The following MBNL2 variants were observed in gnomAD, a reference collection of about 807,000 sequenced individuals.
MBNL2 encodes muscleblind like splicing regulator 2.
A neutral mutation model predicts 41.9 loss-of-function variants in MBNL2; 17 were observed. The observed-to-expected ratio is 0.41, with a 90% confidence interval of 0.28 to 0.61. The LOEUF is 0.61. Among genes scored for constraint, MBNL2 ranks in the 20% least tolerant of loss-of-function variants. The probability of loss-of-function intolerance (pLI) is 0.35; values close to 1 mark genes in which losing one functional copy is unlikely to be tolerated. For missense variants in MBNL2, 336 were observed against 505.6 expected, an observed-to-expected ratio of 0.66 and a Z score of 3.22; for synonymous variants, 195 against 182.9, an observed-to-expected ratio of 1.07 and a Z score of -0.53.
intron 1 of MBNL2, among the ~76,000 whole-genome samples, chr13:97,272,137 A>G (rs1423848231): frequency 6.6e-6 from 1 of 152,120 alleles, no homozygotes; most frequent in Non-Finnish European, 1.5e-5. Flanking sequence ...ATGAGATGGT[A>G]TCTCATTGTG....
the MBNL2 span, among the ~76,000 whole-genome samples, chr13:97,177,547 G>T: frequency 6.6e-6 from 1 of 151,996 alleles, no homozygotes; most frequent in Non-Finnish European, 1.5e-5. Context: ...AAATGGAAAA[G>T]AATAATATAA....
chr13:97,329,725 C>T (rs1483105544), intron 2 of MBNL2, among the ~76,000 whole-genome samples: 2 of 536 alleles, frequency 3.7e-3, no homozygotes, highest in African/African-American at 0.014. Context: ...ACAACATACA[C>T]AACATACAAC....
At chr13:97,148,411 C>T in the MBNL2 span, among the ~76,000 whole-genome samples, 1 of 151,986 alleles carries the variant, frequency 6.6e-6, no homozygotes, top group Non-Finnish European at 1.5e-5. Flanking sequence ...TGTCCAAACC[C>T]ACAGAATATA....
chr13:97,155,569 C>T, the MBNL2 span, among the ~76,000 whole-genome samples: 1 of 148,736 alleles, frequency 6.7e-6, no homozygotes, highest in East Asian at 2.0e-4. Flanking sequence ...ACAACAGTCC[C>T]CAGAGTGTGA....
intron 8 of MBNL2, among the ~76,000 whole-genome samples, chr13:97,378,879 C>CAACAT (rs1188639416): frequency 1.3e-5 from 2 of 152,176 alleles, no homozygotes; most frequent in South Asian, 2.1e-4. Flanking sequence ...TCTTACTACT[C>CAACAT]AACATAACTC....
chr13:97,321,212 C>G (rs2059472390), intron 2 of MBNL2, among the ~76,000 whole-genome samples: 1 of 152,132 alleles, frequency 6.6e-6, no homozygotes, highest in South Asian at 2.1e-4. Flanking sequence ...ATGTGATATT[C>G]AAAATATTTT....
intron 3 of MBNL2, among the ~76,000 whole-genome samples, chr13:97,338,809 G>A (rs1196987354): frequency 3.3e-5 from 5 of 152,182 alleles, no homozygotes; most frequent in African/African-American, 9.7e-5. Flanking sequence ...GAGACGCCGT[G>A]TGTCAGCCTT....
At chr13:97,250,676 GAAAGA>G (rs1293154052) in intron 1 of MBNL2, among the ~76,000 whole-genome samples, 1 of 152,008 alleles carries the variant, frequency 6.6e-6, no homozygotes, top group Non-Finnish European at 1.5e-5. Context: ...CAATGATCTT[GAAAGA>G]AAAGAAGTCT....
chr13:97,376,274 G>T (rs2064956263), intron 8 of MBNL2, among the ~76,000 whole-genome samples: 1 of 152,120 alleles, frequency 6.6e-6, no homozygotes, highest in Non-Finnish European at 1.5e-5. Flanking sequence ...TGACTTCTGT[G>T]GTGTCTGTGG....
At chr13:97,289,134 C>T (rs2055277471) in intron 2 of MBNL2, among the ~76,000 whole-genome samples, 1 of 152,170 alleles carries the variant, frequency 6.6e-6, no homozygotes, top group African/African-American at 2.4e-5. Flanking sequence ...TTAAAAAATA[C>T]ATAATGCGTC....
chr13:97,295,882 A>T (rs577507445), intron 2 of MBNL2, among the ~76,000 whole-genome samples: 4 of 152,246 alleles, frequency 2.6e-5, no homozygotes, highest in Non-Finnish European at 1.5e-5. Context: ...GTTTAAATAC[A>T]TAACATACTT....
At chr13:97,319,378 G>A (rs2059316844) in intron 2 of MBNL2, among the ~76,000 whole-genome samples, 1 of 152,166 alleles carries the variant, frequency 6.6e-6, no homozygotes, top group African/African-American at 2.4e-5. Flanking sequence ...CTCTGGCAAT[G>A]ACCAAGGGCA....
At chr13:97,165,936 T>C in the MBNL2 span, among the ~76,000 whole-genome samples, 1 of 152,244 alleles carries the variant, frequency 6.6e-6, no homozygotes, top group Non-Finnish European at 1.5e-5. Flanking sequence ...GCTATTACTT[T>C]GTGTAGACTT....
intron 1 of MBNL2, among the ~76,000 whole-genome samples, chr13:97,240,935 T>C (rs769737464): frequency 5.3e-5 from 8 of 152,196 alleles, no homozygotes; most frequent in Admixed American, 2.0e-4. Context: ...TTCAAGCAGA[T>C]GGTAACTGGC....
At chr13:97,273,540 CTATGTGTCATAGCTTT>C (rs982499051) in intron 1 of MBNL2, among the ~76,000 whole-genome samples, 2 of 152,184 alleles carry the variant, frequency 1.3e-5, no homozygotes, top group African/African-American at 4.8e-5. Flanking sequence ...TTGAAGTTTG[CTATGTGTCATAGCTTT>C]CAAGATTGCC....
the MBNL2 span, among the ~76,000 whole-genome samples, chr13:97,207,814 C>T: frequency 2.0e-5 from 3 of 152,226 alleles, no homozygotes; most frequent in African/African-American, 7.2e-5. Flanking sequence ...GTCCCTTCCA[C>T]CTATGAGCCT....
Position 97,357,533 on chromosome 13 carries a change from A to T in MBNL2, c.910A>T (p.Lys304Ter). 2 of 1,614,146 alleles carry T rather than the reference A, an allele frequency of 1.2e-6. No individual in the cohort carries two copies. Among genetic ancestry groups the T allele is most frequent in the Non-Finnish European group, 1.7e-6 (2 of 1,180,028 alleles). Reference sequence around the variant, plus strand: ...TTTACCAAAGAGACAAGCACTTGAAAAAAGCAATGGTACCAGCGCGGTCTT... The same window carrying T: ...TTTACCAAAGAGACAAGCACTTGAATAAAGCAATGGTACCAGCGCGGTCTT... ...HPLPKRQALE[K>*]SNGTSAVFNP... The change falls in exon 7 of 9, where the codon AAA becomes TAA. Residue 304 changes from lysine to a stop codon, truncating the protein, a stop_gained. Coordinates refer to ENST00000679496, the MANE Select transcript of MBNL2 (RefSeq NM_001382683.1). LOFTEE classifies it high-confidence loss of function.
chr13:97,166,853 G>C, the MBNL2 span, among the ~76,000 whole-genome samples: 3 of 126,736 alleles, frequency 2.4e-5, no homozygotes, highest in Admixed American at 1.6e-4. Flanking sequence ...GATAGATAGA[G>C]ATATATATCC....
the MBNL2 span, among the ~76,000 whole-genome samples, chr13:97,171,262 A>G: frequency 1.3e-5 from 2 of 152,206 alleles, no homozygotes; most frequent in South Asian, 4.1e-4. Context: ...ATATAAGGCA[A>G]GTGCTATTAT....
Sources: allele counts gnomAD v4.1 joint callset (sites outside exome capture counted in the v4.1 genomes callset), GRCh38; gene constraint gnomAD v4.1.1; transcripts MANE v1.5; gene names NCBI Gene and HGNC (gene_info 2026-07-23, HGNC 2026-07-21).